LRP1B: variants seen among roughly 807,000 people sequenced by gnomAD.
The protein encoded by LRP1B is low-density lipoprotein receptor-related protein 1B.
A neutral mutation model predicts 556.6 loss-of-function variants in LRP1B; 217 were observed. The observed-to-expected ratio is 0.39, with a 90% CI of 0.35 to 0.44. The LOEUF (loss-of-function observed/expected upper bound fraction) is 0.44. LRP1B is among the 20% of genes least tolerant of loss of function. LRP1B has a pLI of 1.00. For missense variants in LRP1B, 5,053 were observed against 5,620.8 expected, an observed-to-expected ratio of 0.90 and a Z score of 3.23; for synonymous variants, 2,047 against 1,865.8, an observed-to-expected ratio of 1.10 and a Z score of -2.50.
intron 3 of LRP1B, among the ~76,000 whole-genome samples, chr2:141,458,620 A>G (rs1178862478): frequency 2.0e-5 from 3 of 151,918 alleles, no homozygotes; most frequent in African/African-American, 7.2e-5. Context: ...GAAAGTATCT[A>G]ATAGCATTTC....
intron 2 of LRP1B, among the ~76,000 whole-genome samples, chr2:141,591,409 A>G (rs1687334125): frequency 7.0e-6 from 1 of 143,734 alleles, no homozygotes; most frequent in South Asian, 2.2e-4. Context: ...AGTGCTGACC[A>G]GGCCATAGGA....
chr2:141,514,540 C>T (rs909359703), intron 2 of LRP1B, among the ~76,000 whole-genome samples: 6 of 152,080 alleles, frequency 3.9e-5, no homozygotes, highest in African/African-American at 1.2e-4. Context: ...GAGTGGCTAT[C>T]GTGGTAGATA....
rs988378893 is a variant in LRP1B at position 141,594,084 on chromosome 2, G to A, written c.206-113551C>T. Among the ~76,000 whole-genome samples, 6 of 151,898 alleles carry A rather than the reference G, an allele frequency of 4.0e-5. No homozygotes were observed. In the East Asian group the frequency reaches 1.2e-3, roughly 29 times the overall value. ...TGGTGTCTTTGCTTTGACCCTTTTTGCCTACTCACAAGCCAATCAGCATGC... is the reference window on the plus strand; with the variant it reads ...TGGTGTCTTTGCTTTGACCCTTTTTACCTACTCACAAGCCAATCAGCATGC... On this transcript the variant is annotated intron_variant, in intron 2 of 90. Coordinates refer to ENST00000389484, the MANE Select transcript of LRP1B (RefSeq NM_018557.3).
intron 3 of LRP1B, among the ~76,000 whole-genome samples, chr2:141,372,354 T>A (rs923806147): frequency 7.9e-5 from 12 of 152,120 alleles, no homozygotes; most frequent in African/African-American, 2.9e-4. Context: ...CTTATTTTGT[T>A]ATATCTTTGT....
intron 1 of LRP1B, among the ~76,000 whole-genome samples, chr2:141,896,888 T>C (rs1039240446): frequency 6.6e-6 from 1 of 152,166 alleles, no homozygotes; most frequent in African/African-American, 2.4e-5. Context: ...GAACTGGGCA[T>C]AGTCCCAGTG....
intron 2 of LRP1B, among the ~76,000 whole-genome samples, chr2:141,654,908 G>C (rs541757188): frequency 6.6e-6 from 1 of 152,062 alleles, no homozygotes; most frequent in South Asian, 2.1e-4. Context: ...TATAACAGTC[G>C]GGATAGAAAT....
At chr2:140,331,684 TAC>T (rs1255787377) in intron 79 of LRP1B, among the ~76,000 whole-genome samples, 2 of 108,556 alleles carry the variant, frequency 1.8e-5, no homozygotes, top group East Asian at 2.2e-4. Context: ...ACTATATATA[TAC>T]ATATATATAT....
intron 83 of LRP1B, among the ~76,000 whole-genome samples, chr2:140,307,780 T>C (rs1684128941): frequency 6.6e-6 from 1 of 151,776 alleles, no homozygotes; most frequent in African/African-American, 2.4e-5. Flanking sequence ...TGATAATAAG[T>C]AATGTATTAG....
intron 2 of LRP1B, among the ~76,000 whole-genome samples, chr2:141,557,562 C>T (rs1686004985): frequency 6.6e-6 from 1 of 151,888 alleles, no homozygotes; most frequent in Admixed American, 6.6e-5. Flanking sequence ...CACATCCGTT[C>T]CTGAAAAGAA....
intron 4 of LRP1B, among the ~76,000 whole-genome samples, chr2:141,249,218 T>C (rs1684175205): frequency 6.6e-6 from 1 of 152,050 alleles, no homozygotes; most frequent in Non-Finnish European, 1.5e-5. Context: ...AGGAGAGGGA[T>C]ATTTCTCACA....
intron 7 of LRP1B, among the ~76,000 whole-genome samples, chr2:141,096,719 AGATTAGTT>A (rs1700333458): frequency 6.8e-6 from 1 of 146,242 alleles, no homozygotes; most frequent in Non-Finnish European, 1.5e-5. Context: ...TTCAGGAACA[AGATTAGTT>A]GTATGGTCAA....
intron 4 of LRP1B, among the ~76,000 whole-genome samples, chr2:141,254,303 T>A (rs555429622): frequency 7.2e-5 from 11 of 152,204 alleles, no homozygotes; most frequent in South Asian, 6.2e-4. Flanking sequence ...TGTTGACATT[T>A]CCCAAGTTTG....
chr2:140,898,833 T>C (rs1694022575), intron 23 of LRP1B: 2 of 488,320 alleles, frequency 4.1e-6, no homozygotes, highest in Non-Finnish European at 4.1e-6. Flanking sequence ...TGGTGGATCT[T>C]TCCAAGAACC....
At chr2:140,558,905 C>T (rs902294579) in intron 43 of LRP1B, among the ~76,000 whole-genome samples, 5 of 150,292 alleles carry the variant, frequency 3.3e-5, no homozygotes, top group African/African-American at 1.2e-4. Flanking sequence ...CACTGCACTC[C>T]AGCCTGGGCA....
At chr2:140,686,617 G>A (rs983409694) in intron 41 of LRP1B, among the ~76,000 whole-genome samples, 2 of 151,984 alleles carry the variant, frequency 1.3e-5, no homozygotes, top group African/African-American at 4.8e-5. Flanking sequence ...AATGACTTCA[G>A]TATGTAAATT....
At chr2:140,303,082 CTT>C (rs926140346) in intron 83 of LRP1B, among the ~76,000 whole-genome samples, 1 of 126,126 alleles carries the variant, frequency 7.9e-6, no homozygotes, top group Non-Finnish European at 1.7e-5. Context: ...TATATCGGTT[CTT>C]TTTCTTTGTA....
Position 140,910,336 on chromosome 2 carries a change from T to C in LRP1B, c.3320-2259A>G, listed in dbSNP as rs575371060. ...AAATTAATGATGCAGTATCACCTCA[T>C]TTGCCAATCTGGAGGATAAACAATA... is the stretch of plus-strand genomic sequence containing the variant. On this transcript the variant is annotated intron_variant, in intron 21 of 90. Transcript: ENST00000389484. 1.5e-4 allele frequency among the ~76,000 whole-genome samples: 23 copies of C among 151,958 alleles called. 2 individuals carry two copies. Among genetic ancestry groups the C allele is most frequent in the African/African-American group, 1.7e-4 (7 of 41,562 alleles).
At chr2:141,364,898 A>G (rs1352910579) in intron 3 of LRP1B, among the ~76,000 whole-genome samples, 1 of 152,210 alleles carries the variant, frequency 6.6e-6, no homozygotes, top group Non-Finnish European at 1.5e-5. Context: ...CACAATTTCC[A>G]GTTACTTAAA....
intron 1 of LRP1B, among the ~76,000 whole-genome samples, chr2:141,993,281 G>A (rs1702395939): frequency 6.6e-6 from 1 of 152,098 alleles, no homozygotes; most frequent in Non-Finnish European, 1.5e-5. Context: ...CTTGCCTCAA[G>A]ACTCCTGGAA....
Sources: gnomAD v4.1 joint callset for allele counts (sites outside exome capture counted in the v4.1 genomes callset) on GRCh38, gnomAD v4.1.1 for gene constraint, MANE v1.5 for transcripts, NCBI Gene and HGNC (gene_info 2026-07-23, HGNC 2026-07-21) for gene names.